Variants in SGCD observed in about 807,000 individuals in gnomAD.
SGCD encodes delta-sarcoglycan.
Under a neutral mutation model 36.6 loss-of-function variants are expected in SGCD, and 18 were observed. The observed-to-expected ratio is 0.49, with a 90% CI of 0.34 to 0.73. SGCD has a LOEUF of 0.73. Ranked by LOEUF, SGCD falls within the 30% of genes least tolerant of loss-of-function variation. The pLI, the probability that SGCD is intolerant of heterozygous loss-of-function variation, is 0.01. For synonymous variants in SGCD, 133 were observed against 130.6 expected, an observed-to-expected ratio of 1.02 and a Z score of -0.12; for missense variants, 387 against 346.7, an observed-to-expected ratio of 1.12 and a Z score of -0.92.
chr5:156,076,835 CT>C (rs1406024436), intron 1 of SGCD, among the ~76,000 whole-genome samples: 3 of 152,120 alleles, frequency 2.0e-5, no homozygotes, highest in Non-Finnish European at 4.4e-5. Flanking sequence ...GCTAGAGACA[CT>C]TTTTGATGTG....
intron 2 of SGCD, among the ~76,000 whole-genome samples, chr5:156,331,543 T>A (rs1768067073): frequency 1.3e-5 from 2 of 152,160 alleles, no homozygotes; most frequent in South Asian, 2.1e-4. Flanking sequence ...AATTCCCTGA[T>A]AAAAACTATA....
At chr5:156,524,907 G>T (rs561187730) in intron 4 of SGCD, among the ~76,000 whole-genome samples, 18 of 152,136 alleles carry the variant, frequency 1.2e-4, no homozygotes, top group African/African-American at 4.3e-4. Context: ...AAAATGACAA[G>T]ATTTCTTCTT....
At chr5:155,855,888 G>A in the SGCD span, among the ~76,000 whole-genome samples, 2 of 152,082 alleles carry the variant, frequency 1.3e-5, no homozygotes, top group Non-Finnish European at 2.9e-5. Flanking sequence ...TTTTTAGCAG[G>A]TAAGTACATT....
At chr5:156,671,272 CTTTT>C (rs35299523) in intron 7 of SGCD, among the ~76,000 whole-genome samples, 3 of 104,422 alleles carry the variant, frequency 2.9e-5, no homozygotes, top group Non-Finnish European at 4.1e-5. Flanking sequence ...TCTATTGATT[CTTTT>C]TTTTTTTTTT....
At chr5:156,222,731 AT>A (rs1405920494) in intron 3 of SGCD, among the ~76,000 whole-genome samples, 1 of 152,150 alleles carries the variant, frequency 6.6e-6, no homozygotes, top group African/African-American at 2.4e-5. Flanking sequence ...AGTAAATAAC[AT>A]TTTAAATACC....
At chr5:155,840,463 G>A in the SGCD span, among the ~76,000 whole-genome samples, 2 of 118,328 alleles carry the variant, frequency 1.7e-5, no homozygotes, top group Non-Finnish European at 3.6e-5. Flanking sequence ...TGTATTTTTT[G>A]TATTTTTAGT....
intron 3 of SGCD, among the ~76,000 whole-genome samples, chr5:156,290,249 G>A (rs1333376492): frequency 6.6e-6 from 1 of 152,070 alleles, no homozygotes; most frequent in East Asian, 1.9e-4. Flanking sequence ...CCAGGTATGT[G>A]GCTAGAAGTG....
At chr5:156,047,596 T>C (rs1759801399) in intron 1 of SGCD, among the ~76,000 whole-genome samples, 1 of 152,172 alleles carries the variant, frequency 6.6e-6, no homozygotes, top group Non-Finnish European at 1.5e-5. Flanking sequence ...AATCTGTTTA[T>C]AGCATGGCTA....
intron 2 of SGCD, among the ~76,000 whole-genome samples, chr5:156,335,581 A>G (rs1214419921): frequency 6.6e-6 from 1 of 151,876 alleles, no homozygotes; most frequent in Non-Finnish European, 1.5e-5. Context: ...ACCTCTTACC[A>G]TCTCTTTGGA....
chr5:155,745,749 C>T, the SGCD span, among the ~76,000 whole-genome samples: 4 of 152,066 alleles, frequency 2.6e-5, no homozygotes, highest in Admixed American at 6.5e-5. Flanking sequence ...AACAGTTGTA[C>T]AACCTTATTA....
chr5:155,892,511 C>G (rs1204919450), intron 1 of SGCD, among the ~76,000 whole-genome samples: 1 of 144,386 alleles, frequency 6.9e-6, no homozygotes, highest in African/African-American at 2.6e-5. Flanking sequence ...TAGGGAGTAG[C>G]AAGGAGGACA....
At chr5:156,537,925 A>G (rs538796781) in intron 4 of SGCD, among the ~76,000 whole-genome samples, 1 of 152,152 alleles carries the variant, frequency 6.6e-6, no homozygotes, top group South Asian at 2.1e-4. Context: ...CTGGAAAGAC[A>G]TACCGTCTTT....
chr5:156,268,203 T>A (rs1766052822), intron 3 of SGCD, among the ~76,000 whole-genome samples: 2 of 152,252 alleles, frequency 1.3e-5, no homozygotes, highest in Admixed American at 6.5e-5. Context: ...CTATGGTGTA[T>A]ATGTATCACA....
At chr5:156,251,544 C>A (rs1765577864) in intron 3 of SGCD, among the ~76,000 whole-genome samples, 1 of 146,742 alleles carries the variant, frequency 6.8e-6, no homozygotes, top group Admixed American at 6.9e-5. Flanking sequence ...GAGATGGATT[C>A]TCGCTGTGTT....
At chr5:155,728,406 A>G in the SGCD span, among the ~76,000 whole-genome samples, 5 of 152,230 alleles carry the variant, frequency 3.3e-5, no homozygotes, top group South Asian at 1.0e-3. Flanking sequence ...GTCCCAGGCG[A>G]GCCTGGCGAG....
rs187607859 is a variant in SGCD, at chr5:156,089,600, A to G, written c.-281-28278A>G. ...TGTCCACAAATACCAAAAGAAACCT[A>G]TAATTCTTACTGGCCTTGGGTATTT... On this transcript the variant is annotated intron_variant, in intron 1 of 9. Coordinates refer to the SGCD transcript ENST00000517913. Among the ~76,000 whole-genome samples, 176 of 152,354 alleles carry G rather than the reference A, an allele frequency of 1.2e-3. 3 individuals are homozygous for G. The highest frequency in any genetic ancestry group is 2.0e-3 in the Non-Finnish European group (133 of 68,030).
chr5:155,797,593 A>G, the SGCD span, among the ~76,000 whole-genome samples: 2 of 152,180 alleles, frequency 1.3e-5, no homozygotes, highest in Non-Finnish European at 2.9e-5. Context: ...AGATCCTTGG[A>G]TGATAAATGT....
At chr5:156,473,271 C>A (rs1008963411) in intron 3 of SGCD, among the ~76,000 whole-genome samples, 2 of 152,130 alleles carry the variant, frequency 1.3e-5, no homozygotes, top group Admixed American at 6.5e-5. Flanking sequence ...AGTACTGAAC[C>A]CTATACAGAT....
the SGCD span, among the ~76,000 whole-genome samples, chr5:155,729,374 G>T: frequency 6.6e-6 from 1 of 152,264 alleles, no homozygotes; most frequent in Non-Finnish European, 1.5e-5. Flanking sequence ...GCCTAAGCGC[G>T]CTTCACTAAA....
Sources: gnomAD v4.1 joint callset for allele counts (sites outside exome capture counted in the v4.1 genomes callset) on GRCh38, gnomAD v4.1.1 for gene constraint, MANE v1.5 for transcripts, NCBI Gene and HGNC (gene_info 2026-07-23, HGNC 2026-07-21) for gene names.